Variants in YAE1 observed in about 807,000 individuals in gnomAD.
YAE1 encodes the protein YAE1 maturation factor of ABCE1.
Under a neutral mutation model 23.0 loss-of-function variants are expected in YAE1, and 22 were observed. That is an observed-to-expected ratio of 0.96 (90% CI 0.68 to 1.37). The LOEUF (loss-of-function observed/expected upper bound fraction) is 1.37, where lower values mean the gene tolerates loss of function less well. YAE1 is among the 40% of genes most tolerant of loss of function. The probability of loss-of-function intolerance (pLI) is 0.00; values close to 1 mark genes in which losing one functional copy is unlikely to be tolerated. For synonymous variants in YAE1, 101 were observed against 97.0 expected (o/e 1.04, Z -0.24); for missense variants, 260 against 262.1 (o/e 0.99, Z 0.06).
intron 2 of YAE1, 67 bp downstream of exon 2, chr7:39,570,694 A>G: frequency 6.6e-7 from 1 of 1,515,918 alleles, no homozygotes; most frequent in Admixed American, 2.5e-5. Context: ...TTTCTGTATA[A>G]ATAAAGTGTT....
At chr7:39,600,095 T>A (rs1583683624) in intron 2 of YAE1, among the ~76,000 whole-genome samples, 1 of 152,234 alleles carries the variant, frequency 6.6e-6, no homozygotes, top group Admixed American at 6.5e-5. Context: ...TTCTCGAGAG[T>A]AAGGACCGTA....
rs568211431 is a variant in YAE1 at position 39,581,600 on chromosome 7, G to A, written c.251+10973G>A. The stretch of plus-strand genomic sequence containing the variant: ...TATTAACAACTAACCACCCTGGCAC[G>A]GTGGCTCATGCCTATAATCCCAGCA... On this transcript the variant is annotated intron_variant, in intron 2 of 2. Coordinates refer to the YAE1 transcript ENST00000432096. Among the ~76,000 whole-genome samples the A allele has an allele frequency of 3.9e-5, 6 of 152,190 alleles. No individual in the cohort carries two copies. The East Asian group carries it at 5.8e-4, about 15-fold the overall frequency.
At chr7:39,582,515 G>A (rs756396758) in intron 2 of YAE1, among the ~76,000 whole-genome samples, 7 of 152,108 alleles carry the variant, frequency 4.6e-5, no homozygotes, top group Non-Finnish European at 7.3e-5. Flanking sequence ...GCTGCCAAAC[G>A]ATATATTATT....
intron 2 of YAE1, among the ~76,000 whole-genome samples, chr7:39,588,425 C>A (rs1012628162): frequency 6.7e-6 from 1 of 150,114 alleles, no homozygotes; most frequent in Non-Finnish European, 1.5e-5. Flanking sequence ...GGCAGGAGAT[C>A]GCTTGTTGCA....
chr7:39,595,722 T>C (rs1251807209), intron 2 of YAE1, among the ~76,000 whole-genome samples: 1 of 152,148 alleles, frequency 6.6e-6, no homozygotes, highest in Non-Finnish European at 1.5e-5. Flanking sequence ...CCAAGTACAA[T>C]GACTGGAGAT....
At chr7:39,594,515 T>C (rs1190729933) in intron 2 of YAE1, among the ~76,000 whole-genome samples, 1 of 152,202 alleles carries the variant, frequency 6.6e-6, no homozygotes. Flanking sequence ...CCTTCATTTT[T>C]TTTTTATTGC....
rs1429928242 is a variant in YAE1, at chr7:39,566,522, A to G, written c.104A>G (p.Gln35Arg). The G allele has an allele frequency of 1.2e-6, 2 of 1,613,982 alleles. No individual in the cohort carries two copies. The highest frequency in any genetic ancestry group is 1.7e-6 in the Non-Finnish European group (2 of 1,179,976). Reference protein sequence around the residue: ...DESLLAQREWQSNMQRRVKEG... With the variant: ...DESLLAQREWRSNMQRRVKEG... Reference sequence around the variant, plus strand: ...TCGCTCCTGGCGCAGCGGGAATGGCAGAGTAACATGCAAAGACGAGTCAAA... The same window carrying G: ...TCGCTCCTGGCGCAGCGGGAATGGCGGAGTAACATGCAAAGACGAGTCAAA... The change falls in exon 1 of 3, where the codon CAG (glutamine) becomes CGG (arginine). Residue 35 changes from glutamine to arginine, a missense_variant. Gln to Arg is a conservative substitution (Grantham distance 43). Coordinates refer to ENST00000223273, the MANE Select transcript of YAE1 (RefSeq NM_020192.5).
intron 2 of YAE1, among the ~76,000 whole-genome samples, chr7:39,588,821 G>GTTTTTTTTT (rs5883698): frequency 6.7e-6 from 1 of 149,610 alleles, no homozygotes. Flanking sequence ...ATAATTTTAG[G>GTTTTTTTTT]TTTTTTTTTT....
At chr7:39,596,043 A>G (rs1285390291) in intron 2 of YAE1, among the ~76,000 whole-genome samples, 1 of 152,224 alleles carries the variant, frequency 6.6e-6, no homozygotes, top group African/African-American at 2.4e-5. Flanking sequence ...CAATAGAGCT[A>G]CAAGAGACAA....
At chr7:39,589,435 T>C (rs1449385687) in intron 2 of YAE1, among the ~76,000 whole-genome samples, 4 of 152,044 alleles carry the variant, frequency 2.6e-5, no homozygotes, top group Non-Finnish European at 5.9e-5. Flanking sequence ...GCCTGGCTAA[T>C]TTTTTTAATT....
chr7:39,609,652 C>A (rs2115861788), exon 3 of YAE1: 1 of 1,535,650 alleles, frequency 6.5e-7, no homozygotes, highest in Non-Finnish European at 8.7e-7. Flanking sequence ...GGCTTGAGAG[C>A]CCCGCTGAGG....
At chr7:39,599,144 G>T (rs1023131250) in intron 2 of YAE1, among the ~76,000 whole-genome samples, 1 of 152,004 alleles carries the variant, frequency 6.6e-6, no homozygotes, top group Non-Finnish European at 1.5e-5. Flanking sequence ...AGAGGCTGAG[G>T]CTCGAAAATC....
intron 2 of YAE1, among the ~76,000 whole-genome samples, chr7:39,598,404 TGG>T (rs903464626): frequency 1.2e-4 from 17 of 136,320 alleles, no homozygotes; most frequent in Non-Finnish European, 2.0e-4. Flanking sequence ...CCACCGCACC[TGG>T]GCCAAGTTTT....
At chr7:39,568,258 AATAT>A (rs531569572) in intron 1 of YAE1, among the ~76,000 whole-genome samples, 1 of 149,956 alleles carries the variant, frequency 6.7e-6, no homozygotes, top group African/African-American at 2.4e-5. Flanking sequence ...GATAATAATA[AATAT>A]ATATATATAT....
At chr7:39,597,979 T>C (rs1385983320) in intron 2 of YAE1, among the ~76,000 whole-genome samples, 1 of 152,136 alleles carries the variant, frequency 6.6e-6, no homozygotes, top group Non-Finnish European at 1.5e-5. Flanking sequence ...TCTTTTTTCT[T>C]TTTTTTATTA....
chr7:39,570,118 C>A, intron 1 of YAE1: 1 of 942,472 alleles, frequency 1.1e-6, no homozygotes, highest in Non-Finnish European at 1.7e-6. Flanking sequence ...CGTTGCTCTG[C>A]CGCCTGTGGG....
intron 2 of YAE1, among the ~76,000 whole-genome samples, chr7:39,592,991 G>A (rs956376029): frequency 6.6e-6 from 1 of 151,834 alleles, no homozygotes; most frequent in African/African-American, 2.4e-5. Context: ...AAGTCACTGG[G>A]ACTCTGCTCA....
chr7:39,587,382 A>G (rs908056923), intron 2 of YAE1, among the ~76,000 whole-genome samples: 1 of 152,156 alleles, frequency 6.6e-6, no homozygotes, highest in Admixed American at 6.5e-5. Context: ...GCTCAAAAAA[A>G]AAAGAAAAAG....
intron 1 of YAE1, chr7:39,569,744 C>T (rs969160746): frequency 5.1e-5 from 38 of 743,574 alleles, no homozygotes; most frequent in Middle Eastern, 2.6e-4. Flanking sequence ...AGAGTGCTGA[C>T]GTACTACTCA....
Sources: allele counts gnomAD v4.1 joint callset (sites outside exome capture counted in the v4.1 genomes callset), GRCh38; gene constraint gnomAD v4.1.1; transcripts MANE v1.5; gene names NCBI Gene and HGNC (gene_info 2026-07-23, HGNC 2026-07-21).